RBFOX1: variants seen among roughly 807,000 people sequenced by gnomAD.
The protein encoded by RBFOX1 is RNA binding protein fox-1 homolog 1.
A neutral mutation model predicts 57.7 loss-of-function variants in RBFOX1; 8 were observed. The observed-to-expected ratio is 0.14, with a 90% CI of 0.08 to 0.25. The LOEUF is 0.25. RBFOX1 is among the 10% of genes least tolerant of loss of function. RBFOX1 has a pLI of 1.00. For synonymous variants in RBFOX1, 326 were observed against 222.4 expected (o/e 1.47, Z -4.15); for missense variants, 611 against 548.5 (o/e 1.11, Z -1.14).
chr16:7,291,505 A>G (rs576877333), intron 4 of RBFOX1, among the ~76,000 whole-genome samples: 15 of 152,326 alleles, frequency 9.8e-5, no homozygotes, highest in African/African-American at 1.7e-4. Context: ...TTGGGAACCA[A>G]TTGACTATTC....
rs982847778 is a variant in RBFOX1, at chr16:6,105,774, A to T, written c.-127+85782A>T. ...ATTCTGATGGATTTACCTTTTATTT[A>T]TGTTTTCCTGTATGTATGTGAGAAC... On this transcript the variant is annotated intron_variant, in intron 1 of 15. Coordinates refer to ENST00000550418, the MANE Select transcript of RBFOX1 (RefSeq NM_018723.4). Among the ~76,000 whole-genome samples, 3 of 151,934 alleles carry T rather than the reference A, an allele frequency of 2.0e-5. No homozygotes were observed. The East Asian group carries it at 5.8e-4, about 29-fold the overall frequency.
At chr16:5,983,502 G>A (rs74006535) in intron 4 of RBFOX1, among the ~76,000 whole-genome samples, 1,645 of 152,272 alleles carry the variant, frequency 0.011, 30 homozygotes, top group African/African-American at 0.037. Context: ...GGGTACGGTG[G>A]GGTAGGCGGG....
chr16:5,377,895 A>G lies in RBFOX1; in HGVS notation c.220-89321A>G, dbSNP rs193081799. ...GGTCAACATGTGCTTTCTCTTGAGA[A>G]CAGTTTTCCGTTTGAAACCGTTTCT... On this transcript the variant is annotated intron_variant, in intron 1 of 2. Transcript: ENST00000585867. 4.6e-5 allele frequency among the ~76,000 whole-genome samples: 7 copies of G among 151,836 alleles called. No individual in the cohort carries two copies. In the East Asian group the frequency reaches 1.3e-3, roughly 29 times the overall value.
At chr16:6,986,603 G>C (rs900347403) in intron 3 of RBFOX1, among the ~76,000 whole-genome samples, 2 of 152,144 alleles carry the variant, frequency 1.3e-5, no homozygotes, top group African/African-American at 2.4e-5. Flanking sequence ...AGAATCACCA[G>C]TTTTTAATAT....
chr16:6,893,044 T>A (rs532762303), intron 3 of RBFOX1, among the ~76,000 whole-genome samples: 31 of 152,314 alleles, frequency 2.0e-4, no homozygotes, highest in African/African-American at 7.5e-4. Context: ...ACCAACCGAA[T>A]ACATGATCTT....
intron 3 of RBFOX1, among the ~76,000 whole-genome samples, chr16:6,815,300 TTTC>T (rs2089823550): frequency 6.6e-6 from 1 of 152,110 alleles, no homozygotes; most frequent in Non-Finnish European, 1.5e-5. Context: ...GCTATTTTAT[TTTC>T]TAGGTCTTTG....
At position 6,241,709 on chromosome 16, in the gene RBFOX1, A is replaced by C. The variant is rs553167930; in HGVS notation, c.-126-75286A>C. ...CTGAGGAAATAAATCAAATGCAAACAATCAACACCAATCAAGGAAGCTGAG... is the reference window on the plus strand; with the variant it reads ...CTGAGGAAATAAATCAAATGCAAACCATCAACACCAATCAAGGAAGCTGAG... On this transcript the variant is annotated intron_variant, in intron 1 of 15. Transcript: ENST00000550418. Among the ~76,000 whole-genome samples, 65 of 152,356 alleles carry C rather than the reference A, an allele frequency of 4.3e-4. 2 individuals are homozygous for C. In the South Asian group the frequency reaches 0.011, roughly 26 times the overall value.
chr16:7,614,101 A>C (rs986344483), intron 10 of RBFOX1: 1 of 152,208 alleles, frequency 6.6e-6, no homozygotes, highest in African/African-American at 2.4e-5. Context: ...ACTAGACTCG[A>C]ATCAATGGCC....
chr16:7,694,967 T>C (rs79879125), intron 14 of RBFOX1, among the ~76,000 whole-genome samples: 5,898 of 152,278 alleles, frequency 0.039, 139 homozygotes, highest in Non-Finnish European at 0.055. Flanking sequence ...GAAAAAGATA[T>C]TGATTTTGCC....
chr16:5,561,765 G>T (rs562652521), intron 2 of RBFOX1, among the ~76,000 whole-genome samples: 1 of 152,118 alleles, frequency 6.6e-6, no homozygotes, highest in African/African-American at 2.4e-5. Context: ...GGGTGAGAGG[G>T]TCACTTGTTC....
chr16:7,129,740 A>G (rs943687078), intron 4 of RBFOX1, among the ~76,000 whole-genome samples: 1 of 151,618 alleles, frequency 6.6e-6, no homozygotes, highest in Non-Finnish European at 1.5e-5. Flanking sequence ...TGCTATTTTT[A>G]AAGTACCAGG....
intron 4 of RBFOX1, among the ~76,000 whole-genome samples, chr16:7,263,407 C>A (rs1023563527): frequency 1.3e-5 from 2 of 152,116 alleles, no homozygotes; most frequent in African/African-American, 4.8e-5. Context: ...TCAACCCTGG[C>A]TGGGTAGCAG....
intron 3 of RBFOX1, among the ~76,000 whole-genome samples, chr16:5,622,859 C>A (rs1483559540): frequency 6.6e-6 from 1 of 152,192 alleles, no homozygotes; most frequent in Non-Finnish European, 1.5e-5. Context: ...TGCGTCTGAA[C>A]CCAACATGTG....
At chr16:7,203,937 C>T (rs1192238799) in intron 4 of RBFOX1, among the ~76,000 whole-genome samples, 1 of 152,220 alleles carries the variant, frequency 6.6e-6, no homozygotes, top group African/African-American at 2.4e-5. Flanking sequence ...ATATGATTTG[C>T]ATCTGCTTTA....
intron 3 of RBFOX1, among the ~76,000 whole-genome samples, chr16:5,794,867 G>A (rs879666890): frequency 1.3e-5 from 2 of 152,142 alleles, no homozygotes; most frequent in Non-Finnish European, 2.9e-5. Flanking sequence ...ATCCTACTAT[G>A]GCGACATTCG....
chr16:7,361,143 C>T (rs190616267), intron 4 of RBFOX1, among the ~76,000 whole-genome samples: 2 of 152,280 alleles, frequency 1.3e-5, no homozygotes, highest in Admixed American at 6.5e-5. Context: ...CCTCCACCTG[C>T]CAGCCCTCTT....
At chr16:7,702,378 C>A (rs373581966) in intron 14 of RBFOX1, among the ~76,000 whole-genome samples, 2 of 151,898 alleles carry the variant, frequency 1.3e-5, no homozygotes, top group African/African-American at 4.9e-5. Flanking sequence ...GCTGAGGGGA[C>A]CTCTCTGCAG....
intron 1 of RBFOX1, chr16:6,092,541 T>A (rs1263957095): frequency 6.6e-6 from 1 of 152,224 alleles, no homozygotes; most frequent in African/African-American, 2.4e-5. Flanking sequence ...ATAATACAAA[T>A]TACCATCATG....
At chr16:6,941,906 C>G (rs1307465575) in intron 3 of RBFOX1, among the ~76,000 whole-genome samples, 2 of 152,052 alleles carry the variant, frequency 1.3e-5, no homozygotes, top group South Asian at 2.1e-4. Flanking sequence ...TGCCTGTGCT[C>G]AAGCAGTCCT....
Sources: allele counts gnomAD v4.1 joint callset (sites outside exome capture counted in the v4.1 genomes callset), GRCh38; gene constraint gnomAD v4.1.1; transcripts MANE v1.5; gene names NCBI Gene and HGNC (gene_info 2026-07-23, HGNC 2026-07-21).